CMKLR1: variants seen among roughly 807,000 people sequenced by gnomAD.
CMKLR1 encodes the protein chemerin-like receptor 1.
In CMKLR1, 6 loss-of-function variants were observed where a neutral mutation model predicts 8.2. That is an observed-to-expected ratio of 0.73 (90% CI 0.40 to 1.44). The LOEUF is 1.44. Ranked by LOEUF, CMKLR1 falls within the 40% of genes most tolerant of loss-of-function variation. The probability of loss-of-function intolerance (pLI) is 0.02; values close to 1 mark genes in which losing one functional copy is unlikely to be tolerated. For synonymous variants in CMKLR1, 178 were observed against 181.2 expected, an observed-to-expected ratio of 0.98 and a Z score of 0.14; for missense variants, 429 against 478.0, an observed-to-expected ratio of 0.90 and a Z score of 0.96.
In CMKLR1 at chr12:108,309,318, C is replaced by T. The variant is rs530563410; in HGVS notation, c.-73-15654G>A. On this transcript the variant is annotated intron_variant, in intron 2 of 3. Transcript: ENST00000550402. The stretch of plus-strand genomic sequence containing the variant: ...GGAACGCTCTCCCTAACATAGAATT[C>T]CCCTCCCCCAGCATTTATGCCCTGT... Among the ~76,000 whole-genome samples the T allele has an allele frequency of 3.9e-5, 6 of 152,254 alleles. No individual in the cohort carries two copies. In the East Asian group the frequency reaches 1.2e-3, roughly 29 times the overall value.
intron 2 of CMKLR1, among the ~76,000 whole-genome samples, chr12:108,310,742 C>G (rs538456984): frequency 7.0e-4 from 107 of 152,268 alleles, no homozygotes; most frequent in African/African-American, 2.6e-3. Flanking sequence ...AGCCATCTTC[C>G]CCCGGAGTCC....
At chr12:108,301,702 C>T (rs1891280545) in intron 2 of CMKLR1, among the ~76,000 whole-genome samples, 1 of 152,220 alleles carries the variant, frequency 6.6e-6, no homozygotes, top group South Asian at 2.1e-4. Flanking sequence ...GTGTATCCTT[C>T]CCCCATTTTA....
At chr12:108,333,904 T>C (rs1462118655) in intron 1 of CMKLR1, among the ~76,000 whole-genome samples, 1 of 152,280 alleles carries the variant, frequency 6.6e-6, no homozygotes, top group African/African-American at 2.4e-5. Context: ...ACTGGTTTCG[T>C]GCTATCGCCT....
chr12:108,291,724 T>C lies in CMKLR1; in HGVS notation c.*117A>G, dbSNP rs928537789. 18 of 1,035,382 alleles carry C rather than the reference T, an allele frequency of 1.7e-5. No homozygotes were observed. Among genetic ancestry groups the C allele is most frequent in the Middle Eastern group, 3.2e-4 (1 of 3,086 alleles). The allele number at this position is 1,035,382 out of a possible 1,614,324, so 64.1% of individuals were successfully genotyped here. A position where few individuals can be genotyped will look rare whatever the true frequency, so the allele number is the denominator to read the frequency against. ...CCAGCATAAAACACTGTTCATCCCA[T>C]GCAAAATGCAGTGAAAATTGGTGGA... On this transcript the variant is annotated 3_prime_UTR_variant, in exon 4 of 4. Transcript: ENST00000550402.
chr12:108,302,519 C>T (rs1891303841), intron 2 of CMKLR1, among the ~76,000 whole-genome samples: 1 of 150,938 alleles, frequency 6.6e-6, no homozygotes, highest in East Asian at 1.9e-4. Context: ...GGCAGGGGTG[C>T]AGCATCCCAC....
intron 2 of CMKLR1, among the ~76,000 whole-genome samples, chr12:108,310,003 C>T (rs552614214): frequency 6.6e-6 from 1 of 152,082 alleles, no homozygotes; most frequent in African/African-American, 2.4e-5. Context: ...TGGCTCTGCA[C>T]AAAGTAAAGA....
At position 108,292,198 on chromosome 12, in the gene CMKLR1, G is replaced by C; in HGVS notation, c.765C>G (p.Thr255=). The C allele has an allele frequency of 5.6e-6, 9 of 1,614,080 alleles. No individual in the cohort carries two copies. The highest frequency in any genetic ancestry group is 7.6e-6 in the Non-Finnish European group (9 of 1,179,958). ...TCACAATAATCTTGAAGGGCTTCTT[G>C]GTCTTGGCCAGGCGGTTGCGCTGCA... ...CKLQRNRLAK[T]KKPFKIIVTI... is the part of the protein sequence containing the mutation. The change falls in exon 4 of 4, where the codon ACC becomes ACG. Residue 255 remains threonine (T), a synonymous_variant. Coordinates refer to ENST00000550402, the MANE Select transcript of CMKLR1 (RefSeq NM_001142343.2).
intron 2 of CMKLR1, among the ~76,000 whole-genome samples, chr12:108,308,219 C>G (rs1221215147): frequency 6.6e-6 from 1 of 152,146 alleles, no homozygotes; most frequent in Non-Finnish European, 1.5e-5. Flanking sequence ...GCATCTGTCT[C>G]AAGGAGTTGT....
intron 2 of CMKLR1, among the ~76,000 whole-genome samples, chr12:108,302,088 A>C (rs1447417194): frequency 2.6e-5 from 4 of 152,214 alleles, no homozygotes; most frequent in Non-Finnish European, 2.9e-5. Flanking sequence ...TGACAGGACA[A>C]TGGGCAAATG....
At chr12:108,303,479 A>G (rs1306877828) in intron 2 of CMKLR1, among the ~76,000 whole-genome samples, 1 of 152,242 alleles carries the variant, frequency 6.6e-6, no homozygotes, top group African/African-American at 2.4e-5. Flanking sequence ...TACTAATGAG[A>G]AAACAGGCAC....
At chr12:108,301,640 G>C (rs1891277689) in intron 2 of CMKLR1, among the ~76,000 whole-genome samples, 1 of 152,220 alleles carries the variant, frequency 6.6e-6, no homozygotes, top group East Asian at 1.9e-4. Context: ...CAGGAGCCAA[G>C]CCCATTAGAA....
chr12:108,334,461 C>G (rs1892175967), intron 1 of CMKLR1, among the ~76,000 whole-genome samples: 1 of 152,252 alleles, frequency 6.6e-6, no homozygotes, highest in Non-Finnish European at 1.5e-5. Context: ...TTTACACAGC[C>G]AGTGGCTGTA....
chr12:108,293,460 T>C, intron 3 of CMKLR1, 129 bp downstream of exon 3: 1 of 887,450 alleles, frequency 1.1e-6, no homozygotes, highest in East Asian at 2.6e-5. Flanking sequence ...AAGAGGTACA[T>C]GGTGCTGTGA....
At chr12:108,300,079 A>G (rs1891229182) in intron 2 of CMKLR1, among the ~76,000 whole-genome samples, 1 of 152,212 alleles carries the variant, frequency 6.6e-6, no homozygotes, top group Non-Finnish European at 1.5e-5. Flanking sequence ...CTGGAGCAGA[A>G]TCCAGGCACC....
At chr12:108,310,959 C>G (rs376318118) in intron 2 of CMKLR1, among the ~76,000 whole-genome samples, 1 of 143,312 alleles carries the variant, frequency 7.0e-6, no homozygotes, top group Non-Finnish European at 1.5e-5. Flanking sequence ...GCCCCCCCAC[C>G]CCCCGCCCAG....
Position 108,292,737 on chromosome 12 carries a change from C to A in CMKLR1, c.226G>T (p.Val76Phe). ...TFKMKKTVNM[V>F]WFLNLAVADF... ...GCCACTGCCAGGTTGAGGAACCAGA[C>A]CATGTTCACTGTCTTCTTCATCTTG... is the stretch of plus-strand genomic sequence containing the variant. The change falls in exon 4 of 4, where the codon GTC becomes TTC. Residue 76 changes from valine (V) to phenylalanine (F), a missense_variant. Transcript: ENST00000550402. 1.9e-5 allele frequency: 30 copies of A among 1,614,162 alleles called. No homozygotes were observed. The highest frequency in any genetic ancestry group is 2.5e-5 in the Non-Finnish European group (30 of 1,180,028).
chr12:108,301,567 C>T (rs1029253732), intron 2 of CMKLR1, among the ~76,000 whole-genome samples: 1 of 152,222 alleles, frequency 6.6e-6, no homozygotes, highest in Non-Finnish European at 1.5e-5. Context: ...ACATAGTAGG[C>T]ACATAATAAG....
intron 2 of CMKLR1, among the ~76,000 whole-genome samples, chr12:108,300,391 T>C (rs1891236842): frequency 6.6e-6 from 1 of 152,220 alleles, no homozygotes; most frequent in South Asian, 2.1e-4. Context: ...ACAGAGAAGT[T>C]CCATGTACCT....
At chr12:108,295,444 C>T (rs536373503) in intron 2 of CMKLR1, among the ~76,000 whole-genome samples, 11 of 152,364 alleles carry the variant, frequency 7.2e-5, no homozygotes, top group Non-Finnish European at 1.2e-4. Flanking sequence ...CTGTGCCAAA[C>T]GGTGCAGGCA....
Sources: gnomAD v4.1 joint callset for allele counts (sites outside exome capture counted in the v4.1 genomes callset) on GRCh38, gnomAD v4.1.1 for gene constraint, MANE v1.5 for transcripts, NCBI Gene and HGNC (gene_info 2026-07-23, HGNC 2026-07-21) for gene names.